PPP3CA: variants seen among roughly 807,000 people sequenced by gnomAD.
The protein encoded by PPP3CA is protein phosphatase 3 catalytic subunit alpha.
In PPP3CA, 14 loss-of-function variants were observed where a neutral mutation model predicts 66.5. That is an observed-to-expected ratio of 0.21 (90% CI 0.14 to 0.33). The LOEUF (loss-of-function observed/expected upper bound fraction) is 0.33. Among genes scored for constraint, PPP3CA ranks in the 10% least tolerant of loss-of-function variants. The pLI is 1.00. For synonymous variants in PPP3CA, 232 were observed against 226.2 expected (o/e 1.03, Z -0.23); for missense variants, 317 against 639.5 (o/e 0.50, Z 5.44).
chr4:101,264,614 T>C (rs1188742835), intron 1 of PPP3CA, among the ~76,000 whole-genome samples: 1 of 152,218 alleles, frequency 6.6e-6, no homozygotes, highest in African/African-American at 2.4e-5. Flanking sequence ...ATTCAGTTTG[T>C]TGTGCAGATC....
intron 1 of PPP3CA, among the ~76,000 whole-genome samples, chr4:101,301,157 T>A (rs905616382): frequency 1.3e-5 from 2 of 151,970 alleles, no homozygotes; most frequent in Non-Finnish European, 2.9e-5. Flanking sequence ...TATTTGTATA[T>A]AAAATGACTC....
chr4:101,328,143 G>T (rs531071993), intron 1 of PPP3CA, among the ~76,000 whole-genome samples: 99 of 152,248 alleles, frequency 6.5e-4, no homozygotes, highest in African/African-American at 2.4e-3. Context: ...TCAGGGCAGG[G>T]TGTTAAATCT....
intron 2 of PPP3CA, among the ~76,000 whole-genome samples, chr4:101,186,539 T>C (rs1467564165): frequency 1.3e-5 from 2 of 152,208 alleles, no homozygotes; most frequent in South Asian, 2.1e-4. Flanking sequence ...TATTTACTTC[T>C]AGTTTTCTAA....
intron 2 of PPP3CA, among the ~76,000 whole-genome samples, chr4:101,174,465 C>A (rs563455753): frequency 6.6e-6 from 1 of 152,240 alleles, no homozygotes; most frequent in Admixed American, 6.5e-5. Context: ...TATAATCTGG[C>A]TTAAATATTT....
chr4:101,139,321 C>G (rs1317914495), intron 2 of PPP3CA, among the ~76,000 whole-genome samples: 1 of 143,494 alleles, frequency 7.0e-6, no homozygotes, highest in Non-Finnish European at 1.5e-5. Flanking sequence ...CACTCCAAGC[C>G]TGGGTGACAG....
intron 2 of PPP3CA, among the ~76,000 whole-genome samples, chr4:101,176,402 A>G (rs1032179262): frequency 2.0e-5 from 3 of 152,188 alleles, no homozygotes; most frequent in Non-Finnish European, 4.4e-5. Context: ...TAGATGACAA[A>G]CAAAGAAGGG....
intron 1 of PPP3CA, among the ~76,000 whole-genome samples, chr4:101,257,680 CAG>C (rs1261556553): frequency 1.3e-5 from 2 of 151,948 alleles, no homozygotes; most frequent in African/African-American, 4.8e-5. Context: ...GAACATTACA[CAG>C]AGATGAGAGA....
intron 1 of PPP3CA, among the ~76,000 whole-genome samples, 173 bp from the exon 2 acceptor site, chr4:101,196,289 CCTTT>C (rs1724789536): frequency 6.6e-6 from 1 of 152,144 alleles, no homozygotes; most frequent in African/African-American, 2.4e-5. Context: ...CTGCATCCTT[CCTTT>C]GATTCTAGAT....
chr4:101,230,287 C>T (rs1237945797), intron 1 of PPP3CA, among the ~76,000 whole-genome samples: 1 of 151,424 alleles, frequency 6.6e-6, no homozygotes, highest in Non-Finnish European at 1.5e-5. Flanking sequence ...AATTTTTGGG[C>T]CAACATCACC....
intron 1 of PPP3CA, 39 bp from the exon 2 acceptor site, chr4:101,196,155 C>T (rs371540166): frequency 4.4e-6 from 7 of 1,578,764 alleles, no homozygotes; most frequent in Non-Finnish European, 5.2e-6. Flanking sequence ...TTAGCCAAAA[C>T]TCAACAACAA....
intron 1 of PPP3CA, among the ~76,000 whole-genome samples, chr4:101,240,589 T>A (rs1252907367): frequency 6.6e-6 from 1 of 151,248 alleles, no homozygotes; most frequent in African/African-American, 2.4e-5. Context: ...CAGGAAAAAA[T>A]AAAAAGAGAA....
At chr4:101,194,201 T>C (rs968679751) in intron 2 of PPP3CA, among the ~76,000 whole-genome samples, 2 of 152,024 alleles carry the variant, frequency 1.3e-5, no homozygotes, top group Non-Finnish European at 2.9e-5. Context: ...TAAGAAAAAA[T>C]AGCATTGCCA....
chr4:101,112,308 T>G (rs950065767), intron 2 of PPP3CA, among the ~76,000 whole-genome samples: 4 of 152,194 alleles, frequency 2.6e-5, no homozygotes, highest in African/African-American at 9.6e-5. Context: ...CTCTTCTTCC[T>G]GGTCTATAAT....
intron 11 of PPP3CA, 92 bp from the exon 12 acceptor site, chr4:101,032,456 C>A: frequency 1.0e-6 from 1 of 990,918 alleles, no homozygotes; most frequent in Non-Finnish European, 1.6e-6. Context: ...CATATAAGCA[C>A]CCACATTTCC....
intron 1 of PPP3CA, among the ~76,000 whole-genome samples, chr4:101,274,370 T>C (rs1056808838): frequency 6.6e-6 from 1 of 152,202 alleles, no homozygotes; most frequent in Non-Finnish European, 1.5e-5. Context: ...ATGTCTCAAA[T>C]TATTTTGAGT....
At chr4:101,048,509 C>CAA (rs59988569) in intron 10 of PPP3CA, among the ~76,000 whole-genome samples, 4,164 of 66,106 alleles carry the variant, frequency 0.063, 1,015 homozygotes, top group African/African-American at 0.14. Flanking sequence ...TTTCTCTCAC[C>CAA]AAAAAAAAAA....
At chr4:101,032,820 G>C (rs1727044950) in intron 11 of PPP3CA, among the ~76,000 whole-genome samples, 2 of 152,130 alleles carry the variant, frequency 1.3e-5, no homozygotes, top group African/African-American at 2.4e-5. Flanking sequence ...AAAAAAATCT[G>C]ATTTGTGGAT....
At chr4:101,226,036 G>A (rs1294990900) in intron 1 of PPP3CA, among the ~76,000 whole-genome samples, 2 of 151,762 alleles carry the variant, frequency 1.3e-5, no homozygotes, top group Non-Finnish European at 2.9e-5. Flanking sequence ...TGACATCCCT[G>A]AAAATTTGAA....
At chr4:101,073,338 G>A (rs971351726) in intron 8 of PPP3CA, among the ~76,000 whole-genome samples, 2 of 149,810 alleles carry the variant, frequency 1.3e-5, no homozygotes, top group East Asian at 2.0e-4. Flanking sequence ...GTGCAATGGC[G>A]TGATCTCAGC....
Sources: allele counts gnomAD v4.1 joint callset (sites outside exome capture counted in the v4.1 genomes callset), GRCh38; gene constraint gnomAD v4.1.1; transcripts MANE v1.5; gene names NCBI Gene and HGNC (gene_info 2026-07-23, HGNC 2026-07-21).